The following DAAM1 variants were observed in gnomAD, a reference collection of about 807,000 sequenced individuals.
DAAM1 encodes dishevelled associated activator of morphogenesis 1, also known as disheveled-associated activator of morphogenesis 1.
DAAM1 carries 52 observed loss-of-function variants against 130.0 expected under a neutral mutation model. The ratio of observed to expected loss-of-function variants is 0.40; its 90% CI spans 0.32 to 0.50. The LOEUF (loss-of-function observed/expected upper bound fraction) is 0.50. Ranked by LOEUF, DAAM1 falls within the 20% of genes least tolerant of loss-of-function variation. The pLI is 0.61. For missense variants in DAAM1, 1,134 were observed against 1,303.8 expected, an observed-to-expected ratio of 0.87 and a Z score of 2.01; for synonymous variants, 452 against 444.5, an observed-to-expected ratio of 1.02 and a Z score of -0.21.
chr14:59,242,308 A>T (rs576654441), intron 1 of DAAM1, among the ~76,000 whole-genome samples: 1 of 152,168 alleles, frequency 6.6e-6, no homozygotes, highest in African/African-American at 2.4e-5. Flanking sequence ...CTTTTCCATT[A>T]TTATATGCCT....
intron 1 of DAAM1, among the ~76,000 whole-genome samples, chr14:59,219,815 TTGTCTAATATCCCTTTGG>T (rs1888713714): frequency 6.6e-6 from 1 of 152,204 alleles, no homozygotes; most frequent in African/African-American, 2.4e-5. Context: ...AGGATCCTGC[TTGTCTAATATCCCTTTGG>T]TGTCTGCTCC....
intron 11 of DAAM1, 70 bp downstream of exon 11, chr14:59,326,718 C>A: frequency 6.3e-7 from 1 of 1,578,476 alleles, no homozygotes; most frequent in Non-Finnish European, 8.6e-7. Context: ...TATCCTACTT[C>A]AGAGTAACAG....
intron 1 of DAAM1, among the ~76,000 whole-genome samples, chr14:59,234,154 T>A (rs1313758029): frequency 6.6e-6 from 1 of 152,204 alleles, no homozygotes; most frequent in African/African-American, 2.4e-5. Context: ...GTAGTTTTTT[T>A]CTAATTCTGT....
intron 2 of DAAM1, among the ~76,000 whole-genome samples, chr14:59,289,538 A>G (rs989000170): frequency 1.3e-5 from 2 of 152,114 alleles, no homozygotes; most frequent in Non-Finnish European, 2.9e-5. Flanking sequence ...AAGAATGCAA[A>G]TTAGTTCAGC....
intron 6 of DAAM1, among the ~76,000 whole-genome samples, chr14:59,323,481 A>AAGAC (rs1201451757): frequency 1.3e-5 from 2 of 152,202 alleles, no homozygotes; most frequent in African/African-American, 4.8e-5. Context: ...GTCATATAGC[A>AAGAC]CACATCTTTT....
At chr14:59,225,541 C>T (rs1266137327) in intron 1 of DAAM1, among the ~76,000 whole-genome samples, 1 of 152,202 alleles carries the variant, frequency 6.6e-6, no homozygotes, top group Non-Finnish European at 1.5e-5. Context: ...ATTTGCCTCT[C>T]CTCCATCCTA....
At chr14:59,351,350 A>G (rs924622428) in intron 17 of DAAM1, among the ~76,000 whole-genome samples, 1 of 152,140 alleles carries the variant, frequency 6.6e-6, no homozygotes, top group Non-Finnish European at 1.5e-5. Context: ...AATTTTTTAA[A>G]AAAACGTAAA....
At chr14:59,234,828 CTTTA>C (rs2139450842) in intron 1 of DAAM1, among the ~76,000 whole-genome samples, 1 of 151,454 alleles carries the variant, frequency 6.6e-6, no homozygotes, top group South Asian at 2.1e-4. Context: ...GAGTTTTTAG[CTTTA>C]TTGAGAGTTT....
At position 59,342,637 on chromosome 14, in the gene DAAM1, C is replaced by T. The variant is rs182863936; in HGVS notation, c.2075+2457C>T. 6.6e-5 allele frequency among the ~76,000 whole-genome samples: 10 copies of T among 152,200 alleles called. No homozygotes were observed. In the East Asian group the frequency reaches 7.7e-4, roughly 12 times the overall value. On this transcript the variant is annotated intron_variant, in intron 16 of 24. Transcript: ENST00000360909. The stretch of plus-strand genomic sequence containing the variant: ...CAGCACCGTGCTGAGTGCCATAGGA[C>T]ATACCAAAAGTTAAGATAACGTTGC...
At chr14:59,233,268 G>A (rs527975546) in intron 1 of DAAM1, among the ~76,000 whole-genome samples, 7 of 152,066 alleles carry the variant, frequency 4.6e-5, no homozygotes, top group Non-Finnish European at 8.8e-5. Context: ...GTGTAAAAGC[G>A]TTCCTATTTC....
intron 1 of DAAM1, among the ~76,000 whole-genome samples, chr14:59,251,528 C>T (rs529501942): frequency 8.9e-4 from 135 of 151,340 alleles, no homozygotes; most frequent in African/African-American, 3.2e-3. Context: ...GGAGGTCGGG[C>T]AAGTTCTGAG....
At chr14:59,194,959 A>G (rs968947435) in intron 1 of DAAM1, among the ~76,000 whole-genome samples, 7 of 152,238 alleles carry the variant, frequency 4.6e-5, no homozygotes, top group African/African-American at 1.4e-4. Flanking sequence ...ATATTTAATG[A>G]AGACAATTGA....
chr14:59,195,487 A>T (rs1887861417), intron 1 of DAAM1, among the ~76,000 whole-genome samples: 1 of 152,162 alleles, frequency 6.6e-6, no homozygotes, highest in Non-Finnish European at 1.5e-5. Flanking sequence ...CTTTAGTAAT[A>T]ACCTGGGTTT....
At chr14:59,274,348 C>T (rs140017710) in intron 2 of DAAM1, among the ~76,000 whole-genome samples, 33 of 152,076 alleles carry the variant, frequency 2.2e-4, no homozygotes, top group African/African-American at 6.5e-4. Flanking sequence ...GAATTGTTTT[C>T]AGGAAAAATA....
chr14:59,366,217 A>ATATCT (rs1347605494), intron 23 of DAAM1, among the ~76,000 whole-genome samples: 2 of 151,828 alleles, frequency 1.3e-5, no homozygotes, highest in African/African-American at 4.9e-5. Context: ...GCAATACCCC[A>ATATCT]TATCTTTTTA....
At chr14:59,359,643 C>G (rs534966875) in intron 21 of DAAM1, 139 bp downstream of exon 21, 1 of 623,930 alleles carries the variant, frequency 1.6e-6, no homozygotes, top group Non-Finnish European at 2.8e-6. Flanking sequence ...TGAATCTCAT[C>G]CAAGTCACTC....
At chr14:59,208,911 C>T (rs1233874475) in intron 1 of DAAM1, among the ~76,000 whole-genome samples, 4 of 152,200 alleles carry the variant, frequency 2.6e-5, no homozygotes, top group Admixed American at 6.5e-5. Flanking sequence ...ATGTGATGTA[C>T]TGGCTTCCCT....
intron 1 of DAAM1, among the ~76,000 whole-genome samples, chr14:59,223,618 C>T (rs1888845769): frequency 6.6e-6 from 1 of 152,156 alleles, no homozygotes; most frequent in Non-Finnish European, 1.5e-5. Context: ...GAGCTTTATC[C>T]CATTCTGGGC....
At chr14:59,278,968 A>G (rs561605182) in intron 2 of DAAM1, among the ~76,000 whole-genome samples, 22 of 152,276 alleles carry the variant, frequency 1.4e-4, no homozygotes, top group Non-Finnish European at 2.4e-4. Flanking sequence ...TACTATGTAT[A>G]TACAAAGCTG....
Sources: gnomAD v4.1 joint callset for allele counts (sites outside exome capture counted in the v4.1 genomes callset) on GRCh38, gnomAD v4.1.1 for gene constraint, MANE v1.5 for transcripts, NCBI Gene and HGNC (gene_info 2026-07-23, HGNC 2026-07-21) for gene names.